The following CDH12 variants were observed in gnomAD, a reference collection of about 807,000 sequenced individuals.
CDH12 encodes cadherin 12.
In CDH12, 41 loss-of-function variants were observed where a neutral mutation model predicts 74.1. The ratio of observed to expected loss-of-function variants is 0.55; its 90% CI spans 0.43 to 0.72. CDH12 has a LOEUF of 0.72. Among genes scored for constraint, CDH12 ranks in the 30% least tolerant of loss-of-function variants. The pLI, the probability that CDH12 is intolerant of heterozygous loss-of-function variation, is 0.00. For missense variants in CDH12, 945 were observed against 977.2 expected (o/e 0.97, Z 0.44); for synonymous variants, 399 against 355.0 (o/e 1.12, Z -1.39).
intron 1 of CDH12, among the ~76,000 whole-genome samples, chr5:22,771,505 AAAC>A (rs1056981991): frequency 5.3e-4 from 80 of 152,258 alleles, no homozygotes; most frequent in Non-Finnish European, 1.0e-3. Context: ...GGATGGGGAT[AAAC>A]ATCATGATCA....
intron 1 of CDH12, among the ~76,000 whole-genome samples, chr5:22,683,868 C>T (rs1327731646): frequency 6.6e-6 from 1 of 152,218 alleles, no homozygotes; most frequent in Non-Finnish European, 1.5e-5. Flanking sequence ...GCATAGACAT[C>T]ACAAGAAGTA....
At chr5:22,115,433 A>T (rs150741119) in intron 4 of CDH12, among the ~76,000 whole-genome samples, 286 of 152,334 alleles carry the variant, frequency 1.9e-3, no homozygotes, top group African/African-American at 6.6e-3. Flanking sequence ...TTGTAAGATT[A>T]GCAGCTAAAA....
chr5:21,905,861 T>C (rs926802238), intron 6 of CDH12, among the ~76,000 whole-genome samples: 1 of 152,202 alleles, frequency 6.6e-6, no homozygotes, highest in Non-Finnish European at 1.5e-5. Flanking sequence ...CATATGTTTA[T>C]TGTCAGTATT....
rs1264262776 is a variant in CDH12 at position 21,775,436 on chromosome 5, C to CT, written c.1393+7921dup. ...GATAGAATGAGAAGGAGGGCAGACT[C>CT]TTAGTCGCACCTGAAAAACTGCAGA... On this transcript the variant is annotated intron_variant, in intron 11 of 14. Coordinates refer to ENST00000382254, the MANE Select transcript of CDH12 (RefSeq NM_004061.5). 2.0e-5 allele frequency among the ~76,000 whole-genome samples: 3 copies of CT among 152,122 alleles called. No homozygotes were observed. The East Asian group carries it at 5.8e-4, about 29-fold the overall frequency.
At chr5:22,799,010 G>T (rs1342595108) in intron 1 of CDH12, among the ~76,000 whole-genome samples, 1 of 152,024 alleles carries the variant, frequency 6.6e-6, no homozygotes, top group Non-Finnish European at 1.5e-5. Context: ...TCAGGTACTT[G>T]GGAGGCTGAA....
At chr5:22,316,202 A>G (rs1561307210) in intron 3 of CDH12, among the ~76,000 whole-genome samples, 1 of 151,950 alleles carries the variant, frequency 6.6e-6, no homozygotes, top group Non-Finnish European at 1.5e-5. Context: ...CTAATCTAAG[A>G]CTAAAAAAAA....
At chr5:22,250,335 A>G (rs910299796) in intron 3 of CDH12, among the ~76,000 whole-genome samples, 3 of 152,158 alleles carry the variant, frequency 2.0e-5, no homozygotes, top group African/African-American at 7.2e-5. Context: ...TCCATTCAGC[A>G]TTAGCACTCA....
intron 2 of CDH12, among the ~76,000 whole-genome samples, chr5:22,424,342 C>G (rs1252644959): frequency 2.6e-5 from 4 of 152,102 alleles, no homozygotes; most frequent in Non-Finnish European, 4.4e-5. Context: ...TTTCTTGTTG[C>G]TTTTCAGAAC....
At chr5:22,573,618 G>A (rs992560246) in intron 1 of CDH12, among the ~76,000 whole-genome samples, 1 of 152,020 alleles carries the variant, frequency 6.6e-6, no homozygotes, top group African/African-American at 2.4e-5. Context: ...AATTATTCAG[G>A]TCCATTTTAG....
At chr5:22,727,148 T>C (rs1183600927) in intron 1 of CDH12, among the ~76,000 whole-genome samples, 3 of 151,780 alleles carry the variant, frequency 2.0e-5, no homozygotes, top group African/African-American at 7.2e-5. Flanking sequence ...GGTGTGTGAC[T>C]AAGAATTAAC....
intron 3 of CDH12, among the ~76,000 whole-genome samples, chr5:22,235,014 A>G (rs1416507834): frequency 1.3e-5 from 2 of 152,184 alleles, no homozygotes; most frequent in Non-Finnish European, 2.9e-5. Context: ...AGGCACATCC[A>G]AAATAGCTTA....
intron 1 of CDH12, among the ~76,000 whole-genome samples, chr5:22,603,138 A>C (rs1393503975): frequency 2.6e-5 from 4 of 152,126 alleles, no homozygotes; most frequent in Admixed American, 2.6e-4. Context: ...AATGTCTTTA[A>C]ATAAGAAGCT....
intron 3 of CDH12, among the ~76,000 whole-genome samples, chr5:22,375,859 G>A (rs1340971572): frequency 2.7e-3 from 1 of 370 alleles, no homozygotes; most frequent in African/African-American, 5.7e-3. Flanking sequence ...CATACACTTA[G>A]TGGAATGTAA....
chr5:21,969,682 G>C (rs1429628555), intron 6 of CDH12, among the ~76,000 whole-genome samples: 1 of 152,150 alleles, frequency 6.6e-6, no homozygotes. Flanking sequence ...ACTCAATAGA[G>C]CCATTCCTAT....
intron 1 of CDH12, among the ~76,000 whole-genome samples, chr5:22,844,485 A>G (rs1581056384): frequency 6.6e-6 from 1 of 152,280 alleles, no homozygotes; most frequent in East Asian, 1.9e-4. Context: ...CTTAGAGTCT[A>G]TTAGATCAGA....
chr5:22,608,191 G>A (rs1404783791), intron 1 of CDH12, among the ~76,000 whole-genome samples: 1 of 111,418 alleles, frequency 9.0e-6, no homozygotes, highest in Admixed American at 1.4e-4. Context: ...GAGGTGGTGA[G>A]GGGGGCTATT....
At chr5:22,474,596 AT>A (rs1746094491) in intron 2 of CDH12, among the ~76,000 whole-genome samples, 2 of 152,112 alleles carry the variant, frequency 1.3e-5, no homozygotes, top group Non-Finnish European at 1.5e-5. Context: ...GTGATGAACA[AT>A]GATTATTTCC....
At chr5:21,963,847 A>G (rs901292095) in intron 6 of CDH12, among the ~76,000 whole-genome samples, 6 of 152,096 alleles carry the variant, frequency 3.9e-5, no homozygotes, top group African/African-American at 1.4e-4. Context: ...ATTACTTTTC[A>G]CGTCCACTAC....
intron 1 of CDH12, among the ~76,000 whole-genome samples, chr5:22,628,592 C>T (rs1738418860): frequency 6.6e-6 from 1 of 151,996 alleles, no homozygotes; most frequent in Non-Finnish European, 1.5e-5. Flanking sequence ...GGGACACAGC[C>T]AAGGCAGTGT....
Sources: allele counts gnomAD v4.1 joint callset (sites outside exome capture counted in the v4.1 genomes callset), GRCh38; gene constraint gnomAD v4.1.1; transcripts MANE v1.5; gene names NCBI Gene and HGNC (gene_info 2026-07-23, HGNC 2026-07-21).